SUGT1: variants seen among roughly 807,000 people sequenced by gnomAD.
The protein encoded by SUGT1 is protein SGT1 homolog.
SUGT1 carries 15 observed loss-of-function variants against 56.1 expected under a neutral mutation model. That is an observed-to-expected ratio of 0.27 (90% CI 0.18 to 0.41). The LOEUF (loss-of-function observed/expected upper bound fraction) is 0.41, where lower values mean the gene tolerates loss of function less well. Among genes scored for constraint, SUGT1 ranks in the 10% least tolerant of loss-of-function variants. The pLI, the probability that SUGT1 is intolerant of heterozygous loss-of-function variation, is 1.00. For missense variants in SUGT1, 347 were observed against 382.2 expected (o/e 0.91, Z 0.77); for synonymous variants, 123 against 128.6 (o/e 0.96, Z 0.30).
At chr13:52,680,935 G>T (rs371857326) in intron 12 of SUGT1, among the ~76,000 whole-genome samples, 1 of 151,952 alleles carries the variant, frequency 6.6e-6, no homozygotes, top group African/African-American at 2.4e-5. Context: ...TCTGTCTGCC[G>T]GGCTCAAGTG....
intron 7 of SUGT1, among the ~76,000 whole-genome samples, chr13:52,663,348 C>T (rs150641029): frequency 2.6e-5 from 4 of 152,208 alleles, no homozygotes; most frequent in South Asian, 2.1e-4. Flanking sequence ...AAGTTGATTT[C>T]GTGTGTTTTA....
In SUGT1 at chr13:52,697,720, T is replaced by C. The variant is rs1963977715; in HGVS notation, c.*9885T>C. ...TTTTTCTTTGAGTGAGCCTTTACTTTAAGGTATGTAGTAGAATAATATAGG... is the reference window on the plus strand; with the variant it reads ...TTTTTCTTTGAGTGAGCCTTTACTTCAAGGTATGTAGTAGAATAATATAGG... On this transcript the variant is annotated 3_prime_UTR_variant, in exon 13 of 13. Transcript: ENST00000310528. The C allele has an allele frequency of 6.6e-6, 1 of 152,202 alleles. No individual in the cohort carries two copies. The highest frequency in any genetic ancestry group is 2.4e-5 in the African/African-American group (1 of 41,446). The allele number at this position is 152,202 out of a possible 1,614,324, so 9.4% of individuals were successfully genotyped here. A position where few individuals can be genotyped will look rare whatever the true frequency, so the allele number is the denominator to read the frequency against.
At position 52,700,051 on chromosome 13, in the gene SUGT1, G is replaced by A. The variant is rs545245006; in HGVS notation, c.*12216G>A. 6.6e-6 allele frequency: 1 copy of A among 152,212 alleles called. No individual in the cohort carries two copies. The highest frequency in any genetic ancestry group is 1.9e-4 in the East Asian group (1 of 5,174). The allele number at this position is 152,212 out of a possible 1,614,324, so 9.4% of individuals were successfully genotyped here. Reference sequence around the variant, plus strand: ...GGCACAAAGGTGAGAACAGGAATACGAAACACAACATCTGTAAATGACTAA... The same window carrying A: ...GGCACAAAGGTGAGAACAGGAATACAAAACACAACATCTGTAAATGACTAA... On this transcript the variant is annotated 3_prime_UTR_variant, in exon 13 of 13. Coordinates refer to ENST00000310528, the MANE Select transcript of SUGT1 (RefSeq NM_006704.5).
rs1308306872 is a variant in SUGT1, at chr13:52,687,775, T to A, written c.942T>A (p.Asp314Glu). 1 of 1,602,922 alleles carries A rather than the reference T, an allele frequency of 6.2e-7. No homozygotes were observed. Among genetic ancestry groups the A allele is most frequent in the Non-Finnish European group, 8.5e-7 (1 of 1,175,740 alleles). Reference sequence around the variant, plus strand: ...CAGTTTTGAGTACCAACTGGTCTGATGTAGGTAAAAGGAAAGTTGAAATCA... The same window carrying A: ...CAGTTTTGAGTACCAACTGGTCTGAAGTAGGTAAAAGGAAAGTTGAAATCA... Reference protein sequence around the residue: ...GGTVLSTNWSDVGKRKVEINP... With the variant: ...GGTVLSTNWSEVGKRKVEINP... Residue 314 changes from aspartate (D) to glutamate (E), a missense_variant, in exon 13 of 13, where the codon GAT (aspartate) becomes GAA (glutamate). Asp to Glu is a conservative substitution (Grantham distance 45). Transcript: ENST00000310528.
At chr13:52,675,380 C>T (rs965332455) in intron 10 of SUGT1, among the ~76,000 whole-genome samples, 3 of 152,092 alleles carry the variant, frequency 2.0e-5, no homozygotes, top group African/African-American at 4.8e-5. Flanking sequence ...CTGAGACCAG[C>T]CTGGGCAACC....
Position 52,674,796 on chromosome 13 carries a change from A to G in SUGT1, c.628-1434A>G, listed in dbSNP as rs1963079849. On this transcript the variant is annotated intron_variant, in intron 10 of 12. Transcript: ENST00000310528. ...TGTTTATTATAGTGCTTACTTTAAT[A>G]TTTGCACTAAAAATGCTGATATTAG... 2.6e-5 allele frequency among the ~76,000 whole-genome samples: 4 copies of G among 152,324 alleles called. No homozygotes were observed. The South Asian group carries it at 8.3e-4, about 32-fold the overall frequency.
chr13:52,682,675 GTCTATT>G (rs1381541977), intron 12 of SUGT1, among the ~76,000 whole-genome samples: 1 of 152,136 alleles, frequency 6.6e-6, no homozygotes, highest in Non-Finnish European at 1.5e-5. Flanking sequence ...ATTTGTGTGA[GTCTATT>G]TCTAAGTTCC....
At position 52,676,324 on chromosome 13, in the gene SUGT1, T is replaced by C. The variant is rs1225795765; in HGVS notation, c.718+4T>C. On this transcript the variant is annotated splice_donor_region_variant and intron_variant, in intron 11 of 12. Coordinates refer to ENST00000310528, the MANE Select transcript of SUGT1 (RefSeq NM_006704.5). ...ACGCCAAAACAATTCGTAGCAGGTT[T>C]GTTTTCTGGCCTTGATGAGCTTTAT... The C allele has an allele frequency of 3.7e-6, 6 of 1,610,046 alleles. No individual in the cohort carries two copies. The highest frequency in any genetic ancestry group is 1.7e-4 in the Middle Eastern group (1 of 6,044).
rs180963587 is a variant in SUGT1 at position 52,699,453 on chromosome 13, T to A, written c.*11618T>A. ...TATTCTCCGATGATGCCTGTTTAAT[T>A]ACCCATAGGTGCTAAGTGAATGTTA... is the stretch of plus-strand genomic sequence containing the variant. On this transcript the variant is annotated 3_prime_UTR_variant, in exon 13 of 13. Transcript: ENST00000310528. 6.6e-6 allele frequency: 1 copy of A among 152,304 alleles called. No individual in the cohort carries two copies. The highest frequency in any genetic ancestry group is 1.5e-5 in the Non-Finnish European group (1 of 68,018). The allele number at this position is 152,304 out of a possible 1,614,324, so 9.4% of individuals were successfully genotyped here.
rs1963831880 is a variant in SUGT1, at chr13:52,693,270, A to G, written c.*5435A>G. The G allele has an allele frequency of 6.6e-6, 1 of 152,192 alleles. No homozygotes were observed. Among genetic ancestry groups the G allele is most frequent in the African/African-American group, 2.4e-5 (1 of 41,454 alleles). 9.4% of individuals were successfully genotyped at this position (152,192 alleles called of 1,614,324 possible). A position where few individuals can be genotyped will look rare whatever the true frequency, so the allele number is the denominator to read the frequency against. Reference sequence around the variant, plus strand: ...CTATGATTAAAGGATTCAGTTATACAAAAAGATGTTTCAGAAACACTGCTA... The same window carrying G: ...CTATGATTAAAGGATTCAGTTATACGAAAAGATGTTTCAGAAACACTGCTA... On this transcript the variant is annotated 3_prime_UTR_variant, in exon 13 of 13. Coordinates refer to ENST00000310528, the MANE Select transcript of SUGT1 (RefSeq NM_006704.5).
At chr13:52,676,989 T>C (rs1366224259) in intron 11 of SUGT1, among the ~76,000 whole-genome samples, 1 of 152,240 alleles carries the variant, frequency 6.6e-6, no homozygotes. Context: ...CCTAAGATTA[T>C]ATTTTATAGC....
At chr13:52,671,321 A>AAAG (rs34123195) in intron 10 of SUGT1, among the ~76,000 whole-genome samples, 150,752 of 151,920 alleles carry the variant, frequency 0.99, 74,797 homozygotes, top group East Asian at 1. Context: ...TATATTTTTA[A>AAAG]AAGAATTTTA....
At chr13:52,662,503 G>T in intron 5 of SUGT1, 146 bp from the exon 6 acceptor site, 1 of 597,760 alleles carries the variant, frequency 1.7e-6, no homozygotes, top group Non-Finnish European at 3.0e-6. Context: ...TAGAGTTGGT[G>T]ATAAGGTCTG....
chr13:52,662,204 T>G (rs1055811678), intron 5 of SUGT1, among the ~76,000 whole-genome samples: 2 of 152,142 alleles, frequency 1.3e-5, no homozygotes, highest in African/African-American at 4.8e-5. Flanking sequence ...ACTGAATAGG[T>G]ATCTGCATTG....
rs1229722950 is a variant in SUGT1, at chr13:52,658,418, G to C, written c.207G>C (p.Lys69Asn). 6.2e-7 allele frequency: 1 copy of C among 1,612,956 alleles called. No homozygotes were observed. The highest frequency in any genetic ancestry group is 8.5e-7 in the Non-Finnish European group (1 of 1,179,676). ...GNYCVAVADA[K>N]KSLELNPNNS... ...ACACAGTTGCTGTTGCTGATGCAAA[G>C]AAGTCTCTAGAACTCAATCCAAATA... The change falls in exon 4 of 13, where the codon AAG becomes AAC. Residue 69 changes from lysine (K) to asparagine (N), a missense_variant. Lys to Asn is a moderately conservative substitution (Grantham distance 94, BLOSUM62 0). Coordinates refer to ENST00000310528, the MANE Select transcript of SUGT1 (RefSeq NM_006704.5).
chr13:52,656,649 T>A (rs1325250970), intron 2 of SUGT1, among the ~76,000 whole-genome samples: 1 of 152,196 alleles, frequency 6.6e-6, no homozygotes, highest in Non-Finnish European at 1.5e-5. Flanking sequence ...CCTTACTTTC[T>A]GTTGATTGAC....
rs764840218 is a variant in SUGT1, at chr13:52,664,012, AC to A, written c.400-21del. 12 of 1,612,084 alleles carry A rather than the reference AC, an allele frequency of 7.4e-6. No homozygotes were observed. In the East Asian group the frequency reaches 2.7e-4, roughly 36 times the overall value. On this transcript the variant is annotated intron_variant, in intron 7 of 12. Transcript: ENST00000310528. ...TGTAAAAATCTTTCTCTTTCAACTT[AC>A]CAAAATCAATCTGCATCCCAGTGGA...
chr13:52,671,871 C>T (rs2138145002), intron 10 of SUGT1, among the ~76,000 whole-genome samples: 1 of 152,148 alleles, frequency 6.6e-6, no homozygotes, highest in South Asian at 2.1e-4. Flanking sequence ...TATTCTCAAC[C>T]CCTGGTTATT....
intron 12 of SUGT1, among the ~76,000 whole-genome samples, chr13:52,682,225 G>T (rs535273591): frequency 6.6e-6 from 1 of 152,054 alleles, no homozygotes; most frequent in East Asian, 1.9e-4. Flanking sequence ...TAGAGACAGG[G>T]TCTCATTCTG....
Sources: gnomAD v4.1 joint callset for allele counts (sites outside exome capture counted in the v4.1 genomes callset) on GRCh38, gnomAD v4.1.1 for gene constraint, MANE v1.5 for transcripts, NCBI Gene and HGNC (gene_info 2026-07-23, HGNC 2026-07-21) for gene names.